The following FAM171B variants were observed in gnomAD, a reference collection of about 807,000 sequenced individuals.
FAM171B encodes the protein protein FAM171B.
In FAM171B, 19 loss-of-function variants were observed where a neutral mutation model predicts 75.6. The observed-to-expected ratio is 0.25, with a 90% confidence interval of 0.18 to 0.37. FAM171B has a LOEUF of 0.37. Among genes scored for constraint, FAM171B ranks in the 10% least tolerant of loss-of-function variants. The pLI, the probability that FAM171B is intolerant of heterozygous loss-of-function variation, is 1.00. For synonymous variants in FAM171B, 367 were observed against 361.7 expected, an observed-to-expected ratio of 1.01 and a Z score of -0.17; for missense variants, 848 against 982.4, an observed-to-expected ratio of 0.86 and a Z score of 1.83.
intron 1 of FAM171B, among the ~76,000 whole-genome samples, chr2:186,728,068 A>G (rs546063764): frequency 6.6e-6 from 1 of 152,282 alleles, no homozygotes; most frequent in African/African-American, 2.4e-5. Flanking sequence ...TCTCCACAGA[A>G]AAGTCAGATC....
intron 1 of FAM171B, among the ~76,000 whole-genome samples, chr2:186,734,873 G>C (rs1428404972): frequency 6.6e-6 from 1 of 152,242 alleles, no homozygotes; most frequent in Non-Finnish European, 1.5e-5. Flanking sequence ...TGCACATCCA[G>C]CTGGGTTGCA....
chr2:186,742,406 A>G (rs929409054), intron 2 of FAM171B, among the ~76,000 whole-genome samples: 8 of 152,166 alleles, frequency 5.3e-5, no homozygotes, highest in African/African-American at 1.9e-4. Context: ...TAATCCATTA[A>G]TCAGTCTAAA....
chr2:186,737,378 A>G (rs1387185641), intron 1 of FAM171B, among the ~76,000 whole-genome samples: 3 of 152,082 alleles, frequency 2.0e-5, no homozygotes, highest in African/African-American at 7.2e-5. Context: ...TTTTTAGGAG[A>G]CAGGGTCATG....
chr2:186,736,567 G>GA (rs55683607), intron 1 of FAM171B, among the ~76,000 whole-genome samples: 2 of 104,628 alleles, frequency 1.9e-5, no homozygotes, highest in Non-Finnish European at 2.0e-5. Context: ...TGTGTGTGTG[G>GA]GAGAGAGAGA....
chr2:186,752,298 G>A (rs553338973), intron 5 of FAM171B, among the ~76,000 whole-genome samples: 1 of 152,234 alleles, frequency 6.6e-6, no homozygotes, highest in South Asian at 2.1e-4. Flanking sequence ...CTGAGAATAG[G>A]GCGCAATAGA....
At chr2:186,751,474 G>A (rs1690454151) in intron 5 of FAM171B, among the ~76,000 whole-genome samples, 170 bp downstream of exon 5, 1 of 152,030 alleles carries the variant, frequency 6.6e-6, no homozygotes, top group East Asian at 1.9e-4. Flanking sequence ...CAACCATTGG[G>A]CAAATGATGG....
Position 186,740,289 on chromosome 2 carries a change from A to G in FAM171B, c.300A>G (p.Gln100=), listed in dbSNP as rs776011030. The change falls in exon 2 of 8, where the codon CAA becomes CAG. Residue 100 remains glutamine (Q), a synonymous_variant. Coordinates refer to ENST00000304698, the MANE Select transcript of FAM171B (RefSeq NM_177454.4). ...NDIISRQYLS[Q]AVVEVFVNYT... ...TCATCAGTCGTCAGTACCTGAGCCA[A>G]GCAGTTGTAGAAGTGTTTGTAAACT... The G allele has an allele frequency of 9.9e-6, 16 of 1,613,952 alleles. No homozygotes were observed. Among genetic ancestry groups the G allele is most frequent in the Non-Finnish European group, 1.2e-5 (14 of 1,179,948 alleles).
chr2:186,738,334 A>T (rs1258895973), intron 1 of FAM171B, among the ~76,000 whole-genome samples: 1 of 151,828 alleles, frequency 6.6e-6, no homozygotes, highest in African/African-American at 2.4e-5. Context: ...ACTGGAGAAT[A>T]TGTAGGGCAG....
intron 1 of FAM171B, among the ~76,000 whole-genome samples, chr2:186,725,114 G>T (rs1004385448): frequency 6.6e-6 from 1 of 152,134 alleles, no homozygotes; most frequent in African/African-American, 2.4e-5. Flanking sequence ...GGAGGCCGAG[G>T]CAGGCAGATC....
chr2:186,697,290 T>G (rs1273579106), intron 1 of FAM171B, among the ~76,000 whole-genome samples: 5 of 151,814 alleles, frequency 3.3e-5, no homozygotes, highest in Non-Finnish European at 7.4e-5. Flanking sequence ...GAATTTGGGG[T>G]TTTTTTTGAG....
In FAM171B at chr2:186,747,229, G is replaced by T; in HGVS notation, c.703G>T (p.Gly235Ter). Residue 235 changes from glycine to a stop codon, truncating the protein, a stop_gained, in exon 4 of 8, where the codon GGA becomes TGA. Transcript: ENST00000304698. LOFTEE classifies it high-confidence loss of function. Reference protein sequence around the residue: ...LKVDNFLHTTGITLNKPGFEN... With the variant: ...LKVDNFLHTT Reference sequence around the variant, plus strand: ...AGTGGACAATTTTCTGCATACAACTGGAATTACTCTCAATAAACCAGGTAT... The same window carrying T: ...AGTGGACAATTTTCTGCATACAACTTGAATTACTCTCAATAAACCAGGTAT... 1 of 1,592,326 alleles carries T rather than the reference G, an allele frequency of 6.3e-7. No homozygotes were observed. The highest frequency in any genetic ancestry group is 1.2e-5 in the South Asian group (1 of 85,688).
intron 1 of FAM171B, among the ~76,000 whole-genome samples, chr2:186,704,296 A>T (rs1475427429): frequency 2.6e-5 from 4 of 152,274 alleles, no homozygotes; most frequent in Middle Eastern, 3.4e-3. Context: ...GCTATTTACA[A>T]TAAAGCAATG....
At chr2:186,702,670 G>A (rs1167667526) in intron 1 of FAM171B, among the ~76,000 whole-genome samples, 2 of 152,106 alleles carry the variant, frequency 1.3e-5, no homozygotes, top group African/African-American at 2.4e-5. Flanking sequence ...TGCCATTTCA[G>A]GTAGGGCAGC....
At position 186,709,100 on chromosome 2, in the gene FAM171B, A is replaced by G. The variant is rs1225789150; in HGVS notation, c.238+14689A>G. 2.0e-5 allele frequency among the ~76,000 whole-genome samples: 3 copies of G among 152,030 alleles called. No homozygotes were observed. In the East Asian group the frequency reaches 5.8e-4, roughly 29 times the overall value. The stretch of plus-strand genomic sequence containing the variant: ...CACAGAGAAAGAAGGACCGAGAGAG[A>G]GAGAGTGGGAGGTGCCGCTTTTAAA... On this transcript the variant is annotated intron_variant, in intron 1 of 7. Coordinates refer to ENST00000304698, the MANE Select transcript of FAM171B (RefSeq NM_177454.4).
At chr2:186,732,321 A>G (rs1204772266) in intron 1 of FAM171B, among the ~76,000 whole-genome samples, 5 of 152,138 alleles carry the variant, frequency 3.3e-5, no homozygotes, top group Non-Finnish European at 5.9e-5. Context: ...GATGATTGCA[A>G]TCATATATTA....
chr2:186,712,773 A>C (rs1357314848), intron 1 of FAM171B, among the ~76,000 whole-genome samples: 4 of 152,090 alleles, frequency 2.6e-5, no homozygotes, highest in African/African-American at 7.2e-5. Flanking sequence ...ACTCCTGCTC[A>C]CATTCTTTTT....
At chr2:186,711,558 G>A (rs1689809712) in intron 1 of FAM171B, among the ~76,000 whole-genome samples, 1 of 152,116 alleles carries the variant, frequency 6.6e-6, no homozygotes, top group Admixed American at 6.6e-5. Flanking sequence ...GGAGTTCCTG[G>A]TTCCAGTCAT....
intron 6 of FAM171B, 117 bp from the exon 7 acceptor site, chr2:186,760,996 G>C (rs1326179823): frequency 1.2e-5 from 13 of 1,064,458 alleles, no homozygotes; most frequent in East Asian, 5.4e-5. Flanking sequence ...TGTCATAGGA[G>C]GGGGGCAAAC....
At chr2:186,751,893 T>C (rs1425507153) in intron 5 of FAM171B, among the ~76,000 whole-genome samples, 1 of 151,954 alleles carries the variant, frequency 6.6e-6, no homozygotes, top group Non-Finnish European at 1.5e-5. Flanking sequence ...AAAAGGAAAA[T>C]GATCAGCCCA....
Sources: gnomAD v4.1 joint callset for allele counts (sites outside exome capture counted in the v4.1 genomes callset) on GRCh38, gnomAD v4.1.1 for gene constraint, MANE v1.5 for transcripts, NCBI Gene and HGNC (gene_info 2026-07-23, HGNC 2026-07-21) for gene names.